Variants in DOCK4 observed in about 807,000 individuals in gnomAD.
The protein encoded by DOCK4 is dedicator of cytokinesis 4.
DOCK4 carries 97 observed loss-of-function variants against 268.1 expected under a neutral mutation model. The observed-to-expected ratio is 0.36, with a 90% CI of 0.31 to 0.43. DOCK4 has a LOEUF of 0.43. Ranked by LOEUF, DOCK4 falls within the 20% of genes least tolerant of loss-of-function variation. The probability of loss-of-function intolerance (pLI) is 1.00; values close to 1 mark genes in which losing one functional copy is unlikely to be tolerated. For missense variants in DOCK4, 2,145 were observed against 2,455.7 expected, an observed-to-expected ratio of 0.87 and a Z score of 2.67; for synonymous variants, 954 against 887.2, an observed-to-expected ratio of 1.08 and a Z score of -1.34.
intron 1 of DOCK4, among the ~76,000 whole-genome samples, chr7:112,006,523 G>A (rs79542226): frequency 0.028 from 4,247 of 152,310 alleles, 243 homozygotes; most frequent in East Asian, 0.24. Flanking sequence ...CTATGTGGGT[G>A]AATTCTGATT....
chr7:112,147,813 T>C (rs1815657803), intron 1 of DOCK4, among the ~76,000 whole-genome samples: 1 of 148,392 alleles, frequency 6.7e-6, no homozygotes, highest in Non-Finnish European at 1.5e-5. Flanking sequence ...TTTTTTTTTT[T>C]TTTTTTTTTT....
chr7:111,969,133 C>A (rs1447686957), intron 8 of DOCK4, among the ~76,000 whole-genome samples: 1 of 126,852 alleles, frequency 7.9e-6, no homozygotes. Flanking sequence ...GTGGGTGCAG[C>A]GCACCAGCAT....
intron 1 of DOCK4, among the ~76,000 whole-genome samples, chr7:112,112,654 AC>A (rs1205429132): frequency 2.4e-3 from 366 of 152,014 alleles, no homozygotes; most frequent in African/African-American, 7.7e-3. Flanking sequence ...AAAAAAAAAA[AC>A]AAAAGAAGAT....
At chr7:112,039,374 G>A (rs1265383072) in intron 1 of DOCK4, among the ~76,000 whole-genome samples, 1 of 72,910 alleles carries the variant, frequency 1.4e-5, no homozygotes, top group Non-Finnish European at 2.9e-5. Context: ...GATTTCATAT[G>A]GGGGGGGGGG....
In DOCK4 at chr7:111,839,896, C is replaced by T. The variant is rs192682363; in HGVS notation, c.2736+4867G>A. Among the ~76,000 whole-genome samples, 33 of 152,092 alleles carry T rather than the reference C, an allele frequency of 2.2e-4. No homozygotes were observed. In the East Asian group the frequency reaches 3.3e-3, roughly 15 times the overall value. ...TTGGTTACATGAGTAAGTCTTTTAG[C>T]GGTGACTTCCAATTACTAATGTATA... is the stretch of plus-strand genomic sequence containing the variant. On this transcript the variant is annotated intron_variant, in intron 25 of 52. Coordinates refer to ENST00000428084, the MANE Select transcript of DOCK4 (RefSeq NM_001363540.2).
intron 1 of DOCK4, among the ~76,000 whole-genome samples, chr7:112,037,880 C>T (rs1001790691): frequency 6.6e-6 from 1 of 152,138 alleles, no homozygotes; most frequent in Non-Finnish European, 1.5e-5. Flanking sequence ...GTTCCAGTTG[C>T]TCCATATCCT....
intron 2 of DOCK4, 125 bp downstream of exon 2, chr7:112,003,923 A>G: frequency 1.6e-6 from 1 of 606,420 alleles, no homozygotes; most frequent in East Asian, 3.2e-5. Flanking sequence ...TGCAGGAAAC[A>G]ATTTTGTCAA....
At chr7:112,105,660 C>G (rs1183513341) in intron 1 of DOCK4, among the ~76,000 whole-genome samples, 3 of 148,136 alleles carry the variant, frequency 2.0e-5, no homozygotes, top group Non-Finnish European at 3.0e-5. Context: ...TTCCTCCTTC[C>G]TCGTCATTCC....
At chr7:111,934,808 G>A (rs1008274506) in intron 12 of DOCK4, among the ~76,000 whole-genome samples, 2 of 150,880 alleles carry the variant, frequency 1.3e-5, no homozygotes, top group African/African-American at 4.9e-5. Flanking sequence ...CAAAGTGCTG[G>A]GATTACAGGC....
chr7:111,769,614 T>G lies in DOCK4; in HGVS notation c.3743A>C (p.Glu1248Ala). Reference protein sequence around the residue: ...LLEWSDRPLREFLTYPMQTEW... With the variant: ...LLEWSDRPLRAFLTYPMQTEW... ...TGTTTGCATGGGGTAGGTCAGGAAC[T>G]CCCTGAGGGGCCGATCAGACCATTC... Residue 1248 changes from glutamate to alanine, a missense_variant, in exon 37 of 53, where the codon GAG becomes GCG. Glu to Ala is a moderately radical substitution (Grantham distance 107). This residue lies in a region of DOCK4 where 1,598 missense variants were observed against 1,986.7 expected (regional missense o/e 0.80). Coordinates refer to ENST00000428084, the MANE Select transcript of DOCK4 (RefSeq NM_001363540.2). 1 of 1,613,752 alleles carries G rather than the reference T, an allele frequency of 6.2e-7. No homozygotes were observed. Among genetic ancestry groups the G allele is most frequent in the Non-Finnish European group, 8.5e-7 (1 of 1,179,810 alleles).
At position 111,915,851 on chromosome 7, in the gene DOCK4, C is replaced by T; in HGVS notation, c.1120G>A (p.Glu374Lys). The T allele has an allele frequency of 6.2e-7, 1 of 1,612,318 alleles. No individual in the cohort carries two copies. The highest frequency in any genetic ancestry group is 8.5e-7 in the Non-Finnish European group (1 of 1,179,206). Residue 374 changes from glutamate (E) to lysine (K), a missense_variant, in exon 13 of 53, where the codon GAA becomes AAA. Physicochemically the swap from Glu to Lys is moderately conservative, Grantham distance 56. Coordinates refer to ENST00000428084, the MANE Select transcript of DOCK4 (RefSeq NM_001363540.2). Reference sequence around the variant, plus strand: ...CCATGAGAAAATACTGATGAATATTCCCTTCTGATTTGTTCAATGTCTCCG... The same window carrying T: ...CCATGAGAAAATACTGATGAATATTTCCTTCTGATTTGTTCAATGTCTCCG... Reference protein sequence around the residue: ...LHGDIEQIRREYSSVFSHGVS... With the variant: ...LHGDIEQIRRKYSSVFSHGVS...
chr7:111,826,208 C>A (rs916512613), intron 26 of DOCK4, among the ~76,000 whole-genome samples: 1 of 152,174 alleles, frequency 6.6e-6, no homozygotes, highest in African/African-American at 2.4e-5. Flanking sequence ...GGGAACAACA[C>A]CTGTAGGCCT....
At chr7:111,886,658 T>C (rs2134322620) in intron 16 of DOCK4, among the ~76,000 whole-genome samples, 1 of 152,066 alleles carries the variant, frequency 6.6e-6, no homozygotes, top group South Asian at 2.1e-4. Flanking sequence ...CACCGGGGAA[T>C]AAAAACACAC....
At chr7:112,097,043 C>A (rs1323025489) in intron 1 of DOCK4, among the ~76,000 whole-genome samples, 3 of 152,040 alleles carry the variant, frequency 2.0e-5, no homozygotes, top group Non-Finnish European at 4.4e-5. Context: ...GAACACAGGA[C>A]CTGGTTACCG....
intron 25 of DOCK4, among the ~76,000 whole-genome samples, chr7:111,839,085 T>C (rs1382048582): frequency 6.6e-6 from 1 of 152,200 alleles, no homozygotes; most frequent in East Asian, 1.9e-4. Flanking sequence ...ATTGTGAGAC[T>C]GGGATGTGAA....
chr7:111,821,372 T>G (rs1172572010), intron 27 of DOCK4: 2 of 152,224 alleles, frequency 1.3e-5, no homozygotes. Context: ...AATGTGGGCT[T>G]GGAGAGTGAC....
chr7:111,897,335 G>C (rs1345420692), intron 15 of DOCK4, among the ~76,000 whole-genome samples: 1 of 151,894 alleles, frequency 6.6e-6, no homozygotes, highest in Non-Finnish European at 1.5e-5. Context: ...TCTTCTTCCT[G>C]CATTGGCCTT....
intron 1 of DOCK4, among the ~76,000 whole-genome samples, chr7:112,037,245 A>G (rs1803885112): frequency 6.6e-6 from 1 of 152,194 alleles, no homozygotes; most frequent in Non-Finnish European, 1.5e-5. Flanking sequence ...AAGGCAGGCT[A>G]GGCTAAGATA....
intron 1 of DOCK4, among the ~76,000 whole-genome samples, chr7:112,195,004 C>T (rs113267536): frequency 0.011 from 1,686 of 152,228 alleles, 29 homozygotes; most frequent in African/African-American, 0.038. Flanking sequence ...GGAGGCTGGG[C>T]GCAGTGGCTC....
Sources: gnomAD v4.1 joint callset for allele counts (sites outside exome capture counted in the v4.1 genomes callset) on GRCh38, gnomAD v4.1.1 for gene constraint, gnomAD v4.1.1 regional missense constraint, MANE v1.5 for transcripts, NCBI Gene and HGNC (gene_info 2026-07-23, HGNC 2026-07-21) for gene names.